Variants in SAMD10 observed in about 807,000 individuals in gnomAD.
The protein encoded by SAMD10 is sterile alpha motif domain containing 10.
In SAMD10, 16 loss-of-function variants were observed where a neutral mutation model predicts 22.5. The observed-to-expected ratio is 0.71, with a 90% confidence interval of 0.48 to 1.08. The LOEUF (loss-of-function observed/expected upper bound fraction) is 1.08, where lower values mean the gene tolerates loss of function less well. Ranked by LOEUF, SAMD10 falls within the 50% of genes least tolerant of loss-of-function variation. The pLI is 0.00. For missense variants in SAMD10, 227 were observed against 281.3 expected (o/e 0.81, Z 1.38); for synonymous variants, 118 against 122.2 (o/e 0.97, Z 0.23).
In SAMD10 at chr20:63,977,171, T is replaced by C; in HGVS notation, c.274-29A>G. The C allele has an allele frequency of 6.2e-7, 1 of 1,606,456 alleles. No homozygotes were observed. The highest frequency in any genetic ancestry group is 8.5e-7 in the Non-Finnish European group (1 of 1,176,968). On this transcript the variant is annotated intron_variant, in intron 2 of 4. Transcript: ENST00000369886. This position sits in a 1 kb window ranked among gnomAD's most constrained non-coding sequence, Gnocchi z 5.4. Reference sequence around the variant, plus strand: ...CAGGGGAGGGGCGTGGCAGGCAGAGTGAGAGTGGTGGAGAAGGAGGGCAGG... The same window carrying C: ...CAGGGGAGGGGCGTGGCAGGCAGAGCGAGAGTGGTGGAGAAGGAGGGCAGG...
At chr20:63,976,859 G>T in intron 3 of SAMD10, 112 bp downstream of exon 3, 1 of 992,414 alleles carries the variant, frequency 1.0e-6, no homozygotes, top group South Asian at 1.5e-5. Context: ...TGATTCACAG[G>T]AGAAACTAGA....
At position 63,979,614 on chromosome 20, in the gene SAMD10, G is replaced by A. The variant is rs2059050589; in HGVS notation, c.-147C>T. The stretch of plus-strand genomic sequence containing the variant: ...GTCCCCGCGGCCCGCGAGTGTGCGC[G>A]ACGAGGCACCTGCCGCCGAGCCCTG... On this transcript the variant is annotated 5_prime_UTR_variant, in exon 1 of 5. Coordinates refer to ENST00000369886, the MANE Select transcript of SAMD10 (RefSeq NM_080621.5). This position sits in a 1 kb window ranked among gnomAD's most constrained non-coding sequence, Gnocchi z 7.7. 1.0e-6 allele frequency: 1 copy of A among 984,626 alleles called. No homozygotes were observed. The highest frequency in any genetic ancestry group is 1.2e-6 in the Non-Finnish European group (1 of 830,018). 61.0% of individuals were successfully genotyped at this position (984,626 alleles called of 1,614,324 possible). A position where few individuals can be genotyped will look rare whatever the true frequency, so the allele number is the denominator to read the frequency against.
At position 63,976,967 on chromosome 20, in the gene SAMD10, G is replaced by T; in HGVS notation, c.445+4C>A. 2 of 1,614,018 alleles carry T rather than the reference G, an allele frequency of 1.2e-6. No homozygotes were observed. The highest frequency in any genetic ancestry group is 1.7e-6 in the Non-Finnish European group (2 of 1,179,950). ...CTCCCACAGCACCCTCAGCGCCACT[G>T]TACCGGTGATGGCATGCTGGGAGAA... On this transcript the variant is annotated splice_donor_region_variant and intron_variant, in intron 3 of 4. Transcript: ENST00000369886.
At chr20:63,978,945 G>A (rs817350) in intron 1 of SAMD10, among the ~76,000 whole-genome samples, 5 of 152,210 alleles carry the variant, frequency 3.3e-5, no homozygotes, top group African/African-American at 1.2e-4. Flanking sequence ...ACTCCCGGAG[G>A]GAGTTCCGTC....
Position 63,975,827 on chromosome 20 carries a change from C to T in SAMD10, c.451G>A (p.Ala151Thr), listed in dbSNP as rs1472860829. ...AFSQHAITGR[A>T]LLRLNAEKLQ... is the part of the protein sequence containing the mutation. ...TTCTCCGCATTCAGCCGCAGCAGTG[C>T]CCGGCCTGGGGAGAGGAAAGAGGGG... The change falls in exon 4 of 5, where the codon GCA becomes ACA. Residue 151 changes from alanine to threonine, a missense_variant. Transcript: ENST00000369886. The T allele has an allele frequency of 1.3e-6, 2 of 1,597,636 alleles. No individual in the cohort carries two copies. The highest frequency in any genetic ancestry group is 1.1e-5 in the South Asian group (1 of 90,440).
At position 63,979,252 on chromosome 20, in the gene SAMD10, A is replaced by T; in HGVS notation, c.91+125T>A. The T allele has an allele frequency of 1.6e-6, 1 of 625,656 alleles. No homozygotes were observed. The highest frequency in any genetic ancestry group is 2.5e-6 in the Non-Finnish European group (1 of 405,020). The allele number at this position is 625,656 out of a possible 1,614,324, so 38.8% of individuals were successfully genotyped here. On this transcript the variant is annotated intron_variant, in intron 1 of 4. Coordinates refer to ENST00000369886, the MANE Select transcript of SAMD10 (RefSeq NM_080621.5). The surrounding 1 kb of genome is among the most constrained non-coding windows in gnomAD (Gnocchi z 7.7). ...GGCTACGGGACCCCGTTGAGCCGAGACATCCGCCGAATACCCCCAGCCACC... is the reference window on the plus strand; with the variant it reads ...GGCTACGGGACCCCGTTGAGCCGAGTCATCCGCCGAATACCCCCAGCCACC...
At position 63,977,052 on chromosome 20, in the gene SAMD10, CCTG is replaced by C; in HGVS notation, c.361_363del (p.Gln121del). ...TGCTTCTTGAGCCACTTGCAGACGT[CCTG>C]CTGACTCCACAGGACCACGGGCCGG... On this transcript the variant is annotated inframe_deletion, in exon 3 of 5. Coordinates refer to ENST00000369886, the MANE Select transcript of SAMD10 (RefSeq NM_080621.5). The surrounding 1 kb of genome is among the most constrained non-coding windows in gnomAD (Gnocchi z 5.4). 2 of 1,614,146 alleles carry C rather than the reference CCTG, an allele frequency of 1.2e-6. No homozygotes were observed. Among genetic ancestry groups the C allele is most frequent in the Non-Finnish European group, 1.7e-6 (2 of 1,180,028 alleles).
chr20:63,976,982 T>G lies in SAMD10; in HGVS notation c.434A>C (p.His145Pro). The G allele has an allele frequency of 6.2e-7, 1 of 1,614,054 alleles. No individual in the cohort carries two copies. ...CAGCGCCACTGTACCGGTGATGGCA[T>G]GCTGGGAGAAGGCCTCCACGTAGAC... ...YLVYVEAFSQ[H>P]AITGRALLRL... is the part of the protein sequence containing the mutation. The change falls in exon 3 of 5, where the codon CAT becomes CCT. Residue 145 changes from histidine to proline, a missense_variant. By Grantham distance (77) the His-to-Pro change is moderately conservative. Transcript: ENST00000369886.
Position 63,976,919 on chromosome 20 carries a change from C to T in SAMD10, c.445+52G>A, listed in dbSNP as rs570766573. 2.4e-5 allele frequency: 38 copies of T among 1,579,398 alleles called. No individual in the cohort carries two copies. The East Asian group carries it at 2.7e-4, about 11-fold the overall frequency. Reference sequence around the variant, plus strand: ...AGGCAGGCTGAGTGTGGGGAAGAGACGCTCTGAGGCAGGTTAGCCCCACTC... The same window carrying T: ...AGGCAGGCTGAGTGTGGGGAAGAGATGCTCTGAGGCAGGTTAGCCCCACTC... On this transcript the variant is annotated intron_variant, in intron 3 of 4. Transcript: ENST00000369886.
rs2059015604 is a variant in SAMD10 at position 63,975,498 on chromosome 20, C to T, written c.*12G>A. On this transcript the variant is annotated 3_prime_UTR_variant, in exon 5 of 5. Transcript: ENST00000369886. ...CACAGTGCTGGGGTCTGGGTTCAAG[C>T]CTCAGCAGCAGCTAGGACATTTTCC... 6.2e-7 allele frequency: 1 copy of T among 1,610,028 alleles called. No homozygotes were observed. The highest frequency in any genetic ancestry group is 8.5e-7 in the Non-Finnish European group (1 of 1,178,764).
At chr20:63,979,717 G>A (rs1356567552), upstream of SAMD10, 3 of 982,020 alleles carry the variant, frequency 3.1e-6, no homozygotes, top group East Asian at 1.1e-4. This position sits in a 1 kb window ranked among gnomAD's most constrained non-coding sequence, Gnocchi z 7.7. Context: ...GTCCGCCAGG[G>A]CGAGGGGCGT....
At position 63,977,472 on chromosome 20, in the gene SAMD10, C is replaced by G. The variant is rs1020146436; in HGVS notation, c.92-66G>C. The G allele has an allele frequency of 1.3e-6, 2 of 1,514,252 alleles. No homozygotes were observed. The highest frequency in any genetic ancestry group is 2.4e-5 in the South Asian group (2 of 84,612). The allele number at this position is 1,514,252 out of a possible 1,614,324, so 93.8% of individuals were successfully genotyped here. ...ACCAGAGGCTTCCTCTACTTGAGAG[C>G]TAGCTCCCTGCCCCATCTCCTCCAC... On this transcript the variant is annotated intron_variant, in intron 1 of 4. Transcript: ENST00000369886. This position sits in a 1 kb window ranked among gnomAD's most constrained non-coding sequence, Gnocchi z 5.4.
At position 63,976,973 on chromosome 20, in the gene SAMD10, G is replaced by C; in HGVS notation, c.443C>G (p.Thr148Ser). 6.2e-7 allele frequency: 1 copy of C among 1,614,092 alleles called. No individual in the cohort carries two copies. Among genetic ancestry groups the C allele is most frequent in the South Asian group, 1.1e-5 (1 of 91,082 alleles). Reference sequence around the variant, plus strand: ...CAGCACCCTCAGCGCCACTGTACCGGTGATGGCATGCTGGGAGAAGGCCTC... The same window carrying C: ...CAGCACCCTCAGCGCCACTGTACCGCTGATGGCATGCTGGGAGAAGGCCTC... The part of the protein sequence containing the change: ...YVEAFSQHAI[T>S]GRALLRLNAE... The change falls in exon 3 of 5, where the codon ACC (threonine) becomes AGC (serine). Residue 148 changes from threonine to serine, a missense_variant and splice_region_variant. Coordinates refer to ENST00000369886, the MANE Select transcript of SAMD10 (RefSeq NM_080621.5).
Position 63,977,223 on chromosome 20 carries a change from A to C in SAMD10, c.273+2T>G, listed in dbSNP as rs755341151. The stretch of plus-strand genomic sequence containing the variant: ...ACGGAGGTGGGTGGAGTGGGTGGGT[A>C]CCTGGGGGGTGTCTGTGCCGGGCTG... On this transcript the variant is annotated splice_donor_variant, in intron 2 of 4. Transcript: ENST00000369886. LOFTEE classifies it high-confidence loss of function. The surrounding 1 kb of genome is among the most constrained non-coding windows in gnomAD (Gnocchi z 5.4). The C allele has an allele frequency of 1.2e-6, 2 of 1,613,236 alleles. No homozygotes were observed. Among genetic ancestry groups the C allele is most frequent in the Non-Finnish European group, 1.7e-6 (2 of 1,179,838 alleles).
Position 63,975,326 on chromosome 20 carries a change from C to G in SAMD10, c.*184G>C, listed in dbSNP as rs572667308. 3.0e-6 allele frequency: 2 copies of G among 662,094 alleles called. No homozygotes were observed. The highest frequency in any genetic ancestry group is 3.8e-5 in the African/African-American group (2 of 52,426). 41.0% of individuals were successfully genotyped at this position (662,094 alleles called of 1,614,324 possible). A position where few individuals can be genotyped will look rare whatever the true frequency, so the allele number is the denominator to read the frequency against. On this transcript the variant is annotated 3_prime_UTR_variant, in exon 5 of 5. Coordinates refer to ENST00000369886, the MANE Select transcript of SAMD10 (RefSeq NM_080621.5). The stretch of plus-strand genomic sequence containing the variant: ...CCCCTACCCACCCAGCCCCAGGGCA[C>G]GACCTGGAATGTCCAACCAGAGGCG...
At chr20:63,976,601 A>T (rs1228682153) in intron 3 of SAMD10, among the ~76,000 whole-genome samples, 1 of 151,718 alleles carries the variant, frequency 6.6e-6, no homozygotes, top group African/African-American at 2.4e-5. Context: ...TGTCTCTACT[A>T]AAAATACAAA....
In SAMD10 at chr20:63,979,297, G is replaced by C. The variant is rs1440624120; in HGVS notation, c.91+80C>G. 7 of 1,084,056 alleles carry C rather than the reference G, an allele frequency of 6.5e-6. No individual in the cohort carries two copies. The East Asian group carries it at 1.3e-4, about 21-fold the overall frequency. The allele number at this position is 1,084,056 out of a possible 1,614,324, so 67.2% of individuals were successfully genotyped here. On this transcript the variant is annotated intron_variant, in intron 1 of 4. Transcript: ENST00000369886. The surrounding 1 kb of genome is among the most constrained non-coding windows in gnomAD (Gnocchi z 7.7). ...GCCACCGCCGCTCGAAGCCCGCCGG[G>C]TCCCGCCCCGCCCCCGTGCCTCTGG...
In SAMD10 at chr20:63,975,852, G is replaced by A; in HGVS notation, c.446-20C>T. 3.8e-6 allele frequency: 6 copies of A among 1,572,698 alleles called. No homozygotes were observed. Among genetic ancestry groups the A allele is most frequent in the Non-Finnish European group, 5.1e-6 (6 of 1,166,280 alleles). On this transcript the variant is annotated intron_variant, in intron 3 of 4. Transcript: ENST00000369886. ...CCCGGCCTGGGGAGAGGAAAGAGGG[G>A]CTGAGCTGAGGCCAACAGAGGCATC...
Position 63,975,356 on chromosome 20 carries a change from G to C in SAMD10, c.*154C>G. On this transcript the variant is annotated 3_prime_UTR_variant, in exon 5 of 5. Coordinates refer to ENST00000369886, the MANE Select transcript of SAMD10 (RefSeq NM_080621.5). Reference sequence around the variant, plus strand: ...TGGAATGTCCAACCAGAGGCGCCTGGAGGTGTGATCCTGGTCCTGTCTGTC... The same window carrying C: ...TGGAATGTCCAACCAGAGGCGCCTGCAGGTGTGATCCTGGTCCTGTCTGTC... 1 of 873,302 alleles carries C rather than the reference G, an allele frequency of 1.1e-6. No individual in the cohort carries two copies. Among genetic ancestry groups the C allele is most frequent in the Non-Finnish European group, 1.8e-6 (1 of 557,946 alleles). 54.1% of individuals were successfully genotyped at this position (873,302 alleles called of 1,614,324 possible). A position where few individuals can be genotyped will look rare whatever the true frequency, so the allele number is the denominator to read the frequency against.
Sources: gnomAD v4.1 joint callset for allele counts (sites outside exome capture counted in the v4.1 genomes callset) on GRCh38, gnomAD v4.1.1 for gene constraint, Gnocchi (gnomAD v3.1) non-coding constraint, MANE v1.5 for transcripts, NCBI Gene and HGNC (gene_info 2026-07-23, HGNC 2026-07-21) for gene names.